ERP27: variants seen among roughly 807,000 people sequenced by gnomAD.
ERP27 encodes endoplasmic reticulum resident protein 27.
Under a neutral mutation model 27.7 loss-of-function variants are expected in ERP27, and 23 were observed. That is an observed-to-expected ratio of 0.83 (90% CI 0.60 to 1.18). The LOEUF (loss-of-function observed/expected upper bound fraction) is 1.18. Among genes scored for constraint, ERP27 ranks in the 50% most tolerant of loss-of-function variants. ERP27 has a pLI of 0.00. For missense variants in ERP27, 363 were observed against 327.9 expected (o/e 1.11, Z -0.83); for synonymous variants, 159 against 118.3 (o/e 1.34, Z -2.23).
chr12:14,934,369 C>T (rs1308818505), intron 3 of ERP27, among the ~76,000 whole-genome samples: 1 of 151,954 alleles, frequency 6.6e-6, no homozygotes. Context: ...CAATACCTAC[C>T]ATACTTAAAG....
chr12:14,916,098 C>A (rs761011968), intron 5 of ERP27, among the ~76,000 whole-genome samples: 14 of 152,056 alleles, frequency 9.2e-5, no homozygotes, highest in Non-Finnish European at 1.5e-4. Flanking sequence ...GTGATGAAAT[C>A]ATCTGTACAA....
At chr12:14,932,952 T>C (rs931579512) in intron 3 of ERP27, among the ~76,000 whole-genome samples, 1 of 152,208 alleles carries the variant, frequency 6.6e-6, no homozygotes, top group African/African-American at 2.4e-5. Context: ...CTTATGAGGG[T>C]ATATACCCAG....
At chr12:14,919,393 G>A (rs532213740) in intron 4 of ERP27, among the ~76,000 whole-genome samples, 1 of 152,158 alleles carries the variant, frequency 6.6e-6, no homozygotes, top group Non-Finnish European at 1.5e-5. Flanking sequence ...CCCTGCCTTA[G>A]CTAGCTTGCA....
At chr12:14,921,476 T>A (rs772482858) in intron 3 of ERP27, among the ~76,000 whole-genome samples, 1 of 152,184 alleles carries the variant, frequency 6.6e-6, no homozygotes, top group Non-Finnish European at 1.5e-5. Flanking sequence ...GATGTGAGGG[T>A]TGCAGAGAGA....
At chr12:14,935,873 C>T (rs1362282188) in intron 2 of ERP27, among the ~76,000 whole-genome samples, 1 of 152,166 alleles carries the variant, frequency 6.6e-6, no homozygotes, top group East Asian at 1.9e-4. Context: ...TGTTCACCAC[C>T]ATACTTGGCT....
At chr12:14,929,715 A>G (rs938413595) in intron 3 of ERP27, among the ~76,000 whole-genome samples, 1 of 152,182 alleles carries the variant, frequency 6.6e-6, no homozygotes. Context: ...ACACTACATC[A>G]TACCAATCAC....
chr12:14,915,946 C>T, intron 5 of ERP27: 1 of 289,160 alleles, frequency 3.5e-6, no homozygotes. Flanking sequence ...CATGTTCCCA[C>T]TTCTAAGTGG....
At chr12:14,937,884 T>G in intron 2 of ERP27, 68 bp downstream of exon 2, 5 of 1,310,524 alleles carry the variant, frequency 3.8e-6, no homozygotes, top group Non-Finnish European at 5.5e-6. Context: ...CAGCAGCAGG[T>G]GGCTGCTGTG....
At chr12:14,935,967 C>T (rs1001232833) in intron 2 of ERP27, among the ~76,000 whole-genome samples, 3 of 152,108 alleles carry the variant, frequency 2.0e-5, no homozygotes, top group Non-Finnish European at 2.9e-5. Flanking sequence ...GGCAATCCAC[C>T]TCCCTCAGGC....
In ERP27 at chr12:14,933,506, T is replaced by C. The variant is rs192517245; in HGVS notation, c.333+1350A>G. ...TGGTGTGATGGGGGCATAAACTAGA[T>C]AGTAGTGTCTAGTTTAGAGAAAGAC... On this transcript the variant is annotated intron_variant, in intron 3 of 6. Transcript: ENST00000266397. 1.9e-3 allele frequency among the ~76,000 whole-genome samples: 295 copies of C among 152,144 alleles called. 1 individual carries two copies. The highest frequency in any genetic ancestry group is 9.7e-4 in the Non-Finnish European group (66 of 68,004).
intron 3 of ERP27, among the ~76,000 whole-genome samples, chr12:14,923,928 C>T (rs892961941): frequency 6.6e-6 from 1 of 152,158 alleles, no homozygotes; most frequent in African/African-American, 2.4e-5. Flanking sequence ...CCCTACTGTG[C>T]AATAGAATAC....
At chr12:14,920,372 A>G in intron 4 of ERP27, among the ~76,000 whole-genome samples, 1 of 152,206 alleles carries the variant, frequency 6.6e-6, no homozygotes, top group Non-Finnish European at 1.5e-5. Flanking sequence ...ACTGGTCTGC[A>G]AGGAGGTACA....
intron 2 of ERP27, among the ~76,000 whole-genome samples, chr12:14,936,806 C>T (rs1383075023): frequency 6.6e-6 from 1 of 152,132 alleles, no homozygotes; most frequent in African/African-American, 2.4e-5. Flanking sequence ...TTCCTCAGGC[C>T]TTCCAAGCTA....
chr12:14,926,401 G>C (rs1435919880), intron 3 of ERP27, among the ~76,000 whole-genome samples: 2 of 152,182 alleles, frequency 1.3e-5, no homozygotes, highest in Non-Finnish European at 2.9e-5. Context: ...AATCCAGCCT[G>C]ATAATCTTTG....
chr12:14,925,135 A>G (rs963244070), intron 3 of ERP27, among the ~76,000 whole-genome samples: 6 of 152,294 alleles, frequency 3.9e-5, no homozygotes, highest in Middle Eastern at 3.4e-3. Flanking sequence ...TTCTTAATAA[A>G]CTTGCTTTCA....
intron 3 of ERP27, among the ~76,000 whole-genome samples, chr12:14,928,372 C>T (rs1029381627): frequency 6.6e-6 from 1 of 152,214 alleles, no homozygotes; most frequent in Admixed American, 6.5e-5. Flanking sequence ...ATTCCTATTT[C>T]ACCTCTTTTC....
chr12:14,919,076 C>A (rs549465211), intron 4 of ERP27, among the ~76,000 whole-genome samples: 2 of 152,126 alleles, frequency 1.3e-5, no homozygotes, highest in African/African-American at 4.8e-5. Flanking sequence ...ATTAAAAGTG[C>A]GTGGCAGGTC....
chr12:14,933,217 G>T (rs1863722833), intron 3 of ERP27, among the ~76,000 whole-genome samples: 2 of 152,084 alleles, frequency 1.3e-5, no homozygotes, highest in South Asian at 4.1e-4. Context: ...ACATAGCATG[G>T]GTTCCATGAC....
intron 2 of ERP27, among the ~76,000 whole-genome samples, chr12:14,936,692 G>A (rs529961980): frequency 6.6e-6 from 1 of 152,198 alleles, no homozygotes; most frequent in African/African-American, 2.4e-5. Flanking sequence ...TAGTGCATGA[G>A]TCACAAGATC....
Sources: allele counts gnomAD v4.1 joint callset (sites outside exome capture counted in the v4.1 genomes callset), GRCh38; gene constraint gnomAD v4.1.1; transcripts MANE v1.5; gene names NCBI Gene and HGNC (gene_info 2026-07-23, HGNC 2026-07-21).